Variants in MME observed in about 807,000 individuals in gnomAD.
MME encodes the protein neprilysin.
In MME, 98 loss-of-function variants were observed where a neutral mutation model predicts 113.2. The ratio of observed to expected loss-of-function variants is 0.87; its 90% CI spans 0.74 to 1.02. The LOEUF is 1.02. MME is among the 50% of genes least tolerant of loss of function. The probability of loss-of-function intolerance (pLI) is 0.00; values close to 1 mark genes in which losing one functional copy is unlikely to be tolerated. For synonymous variants in MME, 292 were observed against 300.6 expected (o/e 0.97, Z 0.30); for missense variants, 836 against 896.0 (o/e 0.93, Z 0.86).
At chr3:155,044,779 T>C (rs1262752950) in intron 1 of MME, among the ~76,000 whole-genome samples, 3 of 152,218 alleles carry the variant, frequency 2.0e-5, no homozygotes, top group Non-Finnish European at 2.9e-5. Flanking sequence ...TATGAAAAAT[T>C]ATATTAGTTA....
At chr3:155,101,608 T>G (rs1343122732) in intron 3 of MME, among the ~76,000 whole-genome samples, 1 of 152,194 alleles carries the variant, frequency 6.6e-6, no homozygotes, top group Non-Finnish European at 1.5e-5. Flanking sequence ...CTTTTCTGTC[T>G]TCTGGGACTG....
At chr3:155,153,151 C>T (rs1298238216) in intron 16 of MME, among the ~76,000 whole-genome samples, 8 of 151,882 alleles carry the variant, frequency 5.3e-5, no homozygotes, top group Non-Finnish European at 1.0e-4. Flanking sequence ...CCCAGCCTCC[C>T]GAGTAGCTGG....
chr3:155,116,552 A>G lies in MME; in HGVS notation c.432A>G (p.Ile144Met). Residue 144 changes from isoleucine (I) to methionine (M), a missense_variant, in exon 5 of 23, where the codon ATA (isoleucine) becomes ATG (methionine). Physicochemically the swap from Ile to Met is conservative, Grantham distance 10. Coordinates refer to ENST00000360490, the MANE Select transcript of MME (RefSeq NM_007289.4). ...QKAKALYRSC[I>M]NESAIDSRGG... ...CAAAAGCATTGTACAGGTCTTGTAT[A>G]AATGAATGTAAGTGCTCTTCATTTG... 6.2e-7 allele frequency: 1 copy of G among 1,606,438 alleles called. No homozygotes were observed. Among genetic ancestry groups the G allele is most frequent in the Non-Finnish European group, 8.5e-7 (1 of 1,173,726 alleles).
intron 8 of MME, among the ~76,000 whole-genome samples, chr3:155,130,597 C>G (rs1223389943): frequency 6.6e-6 from 1 of 152,032 alleles, no homozygotes; most frequent in Non-Finnish European, 1.5e-5. Context: ...AAGCGATGAC[C>G]CAGAGTCTGT....
rs114656218 is a variant in MME at position 155,161,919 on chromosome 3, C to A, written c.1660+1471C>A. 3.4e-3 allele frequency among the ~76,000 whole-genome samples: 524 copies of A among 152,242 alleles called. 5 individuals carry two copies. Among genetic ancestry groups the A allele is most frequent in the African/African-American group, 0.012 (509 of 41,562 alleles). Reference sequence around the variant, plus strand: ...ATATATTATTTGAAACCATTCAAATCTTGTTTTAAAATGCCTTTATCTCTA... The same window carrying A: ...ATATATTATTTGAAACCATTCAAATATTGTTTTAAAATGCCTTTATCTCTA... On this transcript the variant is annotated intron_variant, in intron 17 of 22. Transcript: ENST00000360490.
chr3:155,073,958 T>C (rs1334165754), intron 1 of MME, among the ~76,000 whole-genome samples: 1 of 152,134 alleles, frequency 6.6e-6, no homozygotes, highest in African/African-American at 2.4e-5. Flanking sequence ...GGTTTTTCAG[T>C]ATTGATGATC....
At chr3:155,085,131 T>G in intron 3 of MME, 37 bp downstream of exon 3, 1 of 1,305,122 alleles carries the variant, frequency 7.7e-7, no homozygotes, top group Non-Finnish European at 1.1e-6. Context: ...GTTATACAAC[T>G]GATGTATAAT....
At chr3:155,074,486 C>T (rs1301476238) in intron 1 of MME, among the ~76,000 whole-genome samples, 3 of 151,854 alleles carry the variant, frequency 2.0e-5, no homozygotes, top group Non-Finnish European at 4.4e-5. Context: ...GGCTGGAGTG[C>T]AGTGGCATGA....
At chr3:155,113,886 C>A (rs992626776) in intron 3 of MME, among the ~76,000 whole-genome samples, 1 of 152,032 alleles carries the variant, frequency 6.6e-6, no homozygotes, top group Non-Finnish European at 1.5e-5. Context: ...TGGTAACAGT[C>A]CTGAGCGTTT....
intron 3 of MME, among the ~76,000 whole-genome samples, chr3:155,102,551 A>T (rs886947729): frequency 6.6e-6 from 1 of 152,136 alleles, no homozygotes; most frequent in South Asian, 2.1e-4. Flanking sequence ...ACTTGCTCTC[A>T]CTTGGGCTTG....
In MME at chr3:155,181,227, C is replaced by T. The variant is rs1446233551; in HGVS notation, c.*768C>T. On this transcript the variant is annotated 3_prime_UTR_variant, in exon 23 of 23. Transcript: ENST00000360490. ...AATTTTTATATTTAATTATTAACTA[C>T]ATTTATGAGTAACTATTATTATAGG... 2.0e-5 allele frequency: 3 copies of T among 151,776 alleles called. No homozygotes were observed. The highest frequency in any genetic ancestry group is 6.6e-5 in the Admixed American group (1 of 15,238). The allele number at this position is 151,776 out of a possible 1,614,324, so 9.4% of individuals were successfully genotyped here. A position where few individuals can be genotyped will look rare whatever the true frequency, so the allele number is the denominator to read the frequency against.
At chr3:155,140,037 A>G (rs1720938042) in intron 9 of MME, among the ~76,000 whole-genome samples, 154 bp from the exon 10 acceptor site, 1 of 152,182 alleles carries the variant, frequency 6.6e-6, no homozygotes, top group Non-Finnish European at 1.5e-5. Flanking sequence ...CTTACATTTC[A>G]CTTTTTTTGA....
intron 1 of MME, among the ~76,000 whole-genome samples, chr3:155,032,308 A>G (rs2108114440): frequency 6.6e-6 from 1 of 152,340 alleles, no homozygotes; most frequent in Non-Finnish European, 1.5e-5. Flanking sequence ...CCCTTAAGCC[A>G]CAATTATTTC....
intron 1 of MME, among the ~76,000 whole-genome samples, chr3:155,033,343 G>C (rs552346959): frequency 1.3e-5 from 2 of 152,116 alleles, no homozygotes; most frequent in South Asian, 4.1e-4. Context: ...TATTGCTGAC[G>C]TTAGAATAGA....
chr3:155,075,014 T>G (rs1714699575), upstream of MME, among the ~76,000 whole-genome samples: 2 of 152,052 alleles, frequency 1.3e-5, no homozygotes, highest in African/African-American at 4.8e-5. Context: ...ATATCCTTAC[T>G]GATTTGTGCA....
In MME at chr3:155,116,932, T is replaced by C. The variant is rs200194111; in HGVS notation, c.600T>C (p.Leu200=). ...QLNSKYGKKV[L]INLFVGTDDK... ...ATTCTAAATATGGGAAAAAAGTCCTTATTAATTTGTTTGTTGGCACTGATG... is the reference window on the plus strand; with the variant it reads ...ATTCTAAATATGGGAAAAAAGTCCTCATTAATTTGTTTGTTGGCACTGATG... The change falls in exon 7 of 23, where the codon CTT becomes CTC. Residue 200 remains leucine (L), a synonymous_variant. Coordinates refer to ENST00000360490, the MANE Select transcript of MME (RefSeq NM_007289.4). 2.5e-6 allele frequency: 4 copies of C among 1,612,092 alleles called. No individual in the cohort carries two copies. In the African/African-American group the frequency reaches 5.3e-5, roughly 22 times the overall value.
chr3:155,083,958 G>C (rs922853529), intron 1 of MME, 200 bp from the exon 2 acceptor site: 1 of 552,328 alleles, frequency 1.8e-6, no homozygotes, highest in Non-Finnish European at 3.2e-6. Flanking sequence ...AAAAACAAAA[G>C]GTTGTGACTG....
intron 3 of MME, among the ~76,000 whole-genome samples, chr3:155,096,107 A>G (rs1191988633): frequency 6.6e-6 from 1 of 152,192 alleles, no homozygotes; most frequent in Non-Finnish European, 1.5e-5. Context: ...AGAAGCTAGC[A>G]AGACTTGATA....
chr3:155,058,692 A>G (rs1714024282), intron 1 of MME, among the ~76,000 whole-genome samples: 1 of 152,230 alleles, frequency 6.6e-6, no homozygotes, highest in Admixed American at 6.5e-5. Context: ...TCTCAAATGA[A>G]CAAAGAAATA....
Sources: gnomAD v4.1 joint callset for allele counts (sites outside exome capture counted in the v4.1 genomes callset) on GRCh38, gnomAD v4.1.1 for gene constraint, MANE v1.5 for transcripts, NCBI Gene and HGNC (gene_info 2026-07-23, HGNC 2026-07-21) for gene names.